ITGA6: variants seen among roughly 807,000 people sequenced by gnomAD.
ITGA6 encodes integrin alpha-6.
ITGA6 carries 63 observed loss-of-function variants against 133.6 expected under a neutral mutation model. The ratio of observed to expected loss-of-function variants is 0.47; its 90% confidence interval spans 0.38 to 0.58. The LOEUF (loss-of-function observed/expected upper bound fraction) is 0.58. ITGA6 is among the 20% of genes least tolerant of loss of function. ITGA6 has a pLI of 0.00. For missense variants in ITGA6, 1,068 were observed against 1,309.4 expected, an observed-to-expected ratio of 0.82 and a Z score of 2.85; for synonymous variants, 434 against 482.0, an observed-to-expected ratio of 0.90 and a Z score of 1.30.
rs139181030 is a variant in ITGA6, at chr2:172,472,791, A to G, written c.776-1264A>G. The G allele has an allele frequency of 6.1e-3, 9,804 of 1,611,900 alleles. 225 individuals carry two copies. The highest frequency in any genetic ancestry group is 0.051 in the South Asian group (4,678 of 91,028). ...GCGTACAGGCCTGCTGTTTTTGACC[A>G]GCGTTTCCTATACAGATCCTGATCA... On this transcript the variant is annotated intron_variant, in intron 5 of 25. Coordinates refer to ENST00000684293, the MANE Select transcript of ITGA6 (RefSeq NM_000210.4).
chr2:172,465,778 C>A, intron 2 of ITGA6, 115 bp downstream of exon 2: 1 of 1,368,426 alleles, frequency 7.3e-7, no homozygotes, highest in Non-Finnish European at 1.0e-6. Context: ...CTTTTAATTG[C>A]ATCAGACTTG....
chr2:172,463,181 T>C (rs908584934), intron 1 of ITGA6, among the ~76,000 whole-genome samples: 1 of 152,124 alleles, frequency 6.6e-6, no homozygotes, highest in African/African-American at 2.4e-5. Flanking sequence ...GTTTGTTGAG[T>C]GAATAGGTGA....
intron 9 of ITGA6, among the ~76,000 whole-genome samples, chr2:172,479,060 C>T (rs7587940): frequency 0.39 from 59,076 of 152,022 alleles, 11,762 homozygotes; most frequent in African/African-American, 0.49. Flanking sequence ...AGTGTGTGCA[C>T]AGATGATGTT....
intron 1 of ITGA6, among the ~76,000 whole-genome samples, chr2:172,457,295 CAAAA>C (rs71403305): frequency 1.3e-5 from 1 of 79,344 alleles, no homozygotes; most frequent in Non-Finnish European, 2.4e-5. Flanking sequence ...ATTCTGTCTC[CAAAA>C]AAAAAAAAAA....
intron 1 of ITGA6, 75 bp from the exon 2 acceptor site, chr2:172,465,464 T>C: frequency 6.5e-7 from 1 of 1,535,778 alleles, no homozygotes; most frequent in Non-Finnish European, 9.0e-7. Flanking sequence ...TCCCACTATC[T>C]CCTAGTTCTG....
At chr2:172,450,877 TTATATATTTATATACAAA>T (rs1684962220) in intron 1 of ITGA6, among the ~76,000 whole-genome samples, 2 of 140,494 alleles carry the variant, frequency 1.4e-5, no homozygotes, top group Admixed American at 1.4e-4. Context: ...ACAAATATAT[TTATATATTTATATACAAA>T]TATATATTTA....
At chr2:172,460,152 A>G (rs1685373272) in intron 1 of ITGA6, among the ~76,000 whole-genome samples, 1 of 152,238 alleles carries the variant, frequency 6.6e-6, no homozygotes, top group Non-Finnish European at 1.5e-5. Flanking sequence ...AAAAAGGAAA[A>G]TCAGAATACA....
At chr2:172,458,861 T>C (rs1393707234) in intron 1 of ITGA6, among the ~76,000 whole-genome samples, 2 of 152,102 alleles carry the variant, frequency 1.3e-5, no homozygotes, top group Non-Finnish European at 2.9e-5. Flanking sequence ...ACCCACAGAA[T>C]AAGATTAGGA....
At chr2:172,458,739 C>T (rs1316093723) in intron 1 of ITGA6, among the ~76,000 whole-genome samples, 1 of 152,122 alleles carries the variant, frequency 6.6e-6, no homozygotes, top group Admixed American at 6.5e-5. Context: ...GCATAAAAGG[C>T]AATGGCCGAA....
intron 1 of ITGA6, among the ~76,000 whole-genome samples, chr2:172,451,463 A>T (rs1163152419): frequency 3.1e-5 from 3 of 95,940 alleles, no homozygotes; most frequent in Non-Finnish European, 5.6e-5. Context: ...AGACTATCTT[A>T]AAAAAAAAAA....
At chr2:172,432,323 T>G (rs115155726) in intron 1 of ITGA6, among the ~76,000 whole-genome samples, 1 of 152,254 alleles carries the variant, frequency 6.6e-6, no homozygotes, top group Admixed American at 6.5e-5. Context: ...TCTGATGTTT[T>G]GTGCTAAACT....
intron 2 of ITGA6, 128 bp downstream of exon 2, chr2:172,465,791 TG>T: frequency 2.3e-6 from 3 of 1,276,844 alleles, no homozygotes. Flanking sequence ...CAGACTTGAC[TG>T]TTTTTTATTT....
chr2:172,458,374 G>GGATT (rs1244512071), intron 1 of ITGA6, among the ~76,000 whole-genome samples: 1 of 151,714 alleles, frequency 6.6e-6, no homozygotes, highest in Non-Finnish European at 1.5e-5. Flanking sequence ...CAGATAGCTG[G>GGATT]GATTACAGGT....
chr2:172,465,384 G>T, intron 1 of ITGA6, 155 bp from the exon 2 acceptor site: 1 of 883,468 alleles, frequency 1.1e-6, no homozygotes, highest in East Asian at 2.4e-5. Context: ...ACCAGCCATA[G>T]GACTCTACAT....
chr2:172,469,628 A>G (rs919916377), intron 4 of ITGA6, among the ~76,000 whole-genome samples: 1 of 152,154 alleles, frequency 6.6e-6, no homozygotes, highest in Non-Finnish European at 1.5e-5. Context: ...TTTTTTTAGC[A>G]GGAATATAAT....
chr2:172,464,777 G>A, intron 1 of ITGA6, among the ~76,000 whole-genome samples: 1 of 152,288 alleles, frequency 6.6e-6, no homozygotes, highest in Non-Finnish European at 1.5e-5. Flanking sequence ...TACACCAGTT[G>A]TCCCTGAATC....
Position 172,442,437 on chromosome 2 carries a change from C to T in ITGA6, c.182+14467C>T, listed in dbSNP as rs1427418836. On this transcript the variant is annotated intron_variant, in intron 1 of 25. Coordinates refer to ENST00000684293, the MANE Select transcript of ITGA6 (RefSeq NM_000210.4). ...CAGTCCTTTCTGAAAGGAGGATAGA[C>T]GAAGGGTGAGGAGTTCTTGTTGGAT... is the stretch of plus-strand genomic sequence containing the variant. 2.0e-5 allele frequency among the ~76,000 whole-genome samples: 3 copies of T among 152,286 alleles called. No homozygotes were observed. In the South Asian group the frequency reaches 6.2e-4, roughly 32 times the overall value.
chr2:172,504,262 A>C lies in ITGA6; in HGVS notation c.*194A>C. 1.6e-6 allele frequency: 1 copy of C among 617,630 alleles called. No homozygotes were observed. Among genetic ancestry groups the C allele is most frequent in the Non-Finnish European group, 2.2e-6 (1 of 459,128 alleles). 38.3% of individuals were successfully genotyped at this position (617,630 alleles called of 1,614,324 possible). On this transcript the variant is annotated 3_prime_UTR_variant, in exon 26 of 26. Coordinates refer to ENST00000684293, the MANE Select transcript of ITGA6 (RefSeq NM_000210.4). The stretch of plus-strand genomic sequence containing the variant: ...TGAAAGCTACTCATAGCGGGGGCCT[A>C]AAAAAAAAAAGCTTCACAGTACCCA...
At chr2:172,447,921 G>A (rs942359584) in intron 1 of ITGA6, among the ~76,000 whole-genome samples, 1 of 152,104 alleles carries the variant, frequency 6.6e-6, no homozygotes, top group Non-Finnish European at 1.5e-5. Flanking sequence ...GTTCTGCTTT[G>A]GATGTTCCTT....
Sources: gnomAD v4.1 joint callset for allele counts (sites outside exome capture counted in the v4.1 genomes callset) on GRCh38, gnomAD v4.1.1 for gene constraint, MANE v1.5 for transcripts, NCBI Gene and HGNC (gene_info 2026-07-23, HGNC 2026-07-21) for gene names.